CHODL: variants seen among roughly 807,000 people sequenced by gnomAD.
The protein encoded by CHODL is transmembrane protein MT75.
In CHODL, 29 loss-of-function variants were observed where a neutral mutation model predicts 34.5. That is an observed-to-expected ratio of 0.84 (90% CI 0.63 to 1.15). The LOEUF (loss-of-function observed/expected upper bound fraction) is 1.15. Ranked by LOEUF, CHODL falls within the 50% of genes most tolerant of loss-of-function variation. The pLI, the probability that CHODL is intolerant of heterozygous loss-of-function variation, is 0.00. For missense variants in CHODL, 332 were observed against 332.5 expected (o/e 1.00, Z 0.01); for synonymous variants, 125 against 116.1 (o/e 1.08, Z -0.49).
At position 18,195,173 on chromosome 21, in the gene CHODL, G is replaced by A. The variant is rs536923721; in HGVS notation, c.-44-61336G>A. 2.6e-3 allele frequency among the ~76,000 whole-genome samples: 400 copies of A among 152,058 alleles called. 3 individuals are homozygous for A. Among genetic ancestry groups the A allele is most frequent in the African/African-American group, 9.3e-3 (387 of 41,448 alleles). ...AGGTTCACACCATTCTCCTGCCTCA[G>A]CCTCCTGAGTAGCTGGGACTACAGG... On this transcript the variant is annotated intron_variant, in intron 2 of 6. Coordinates refer to the CHODL transcript ENST00000400127.
chr21:18,153,012 C>T (rs1601077644), intron 2 of CHODL, among the ~76,000 whole-genome samples: 1 of 152,180 alleles, frequency 6.6e-6, no homozygotes. Flanking sequence ...TTGAATGCAG[C>T]AGCCTAGACA....
intron 1 of CHODL, among the ~76,000 whole-genome samples, chr21:17,936,583 T>C (rs1482802559): frequency 2.0e-5 from 3 of 152,202 alleles, no homozygotes; most frequent in Non-Finnish European, 4.4e-5. Context: ...TTCATTATGT[T>C]TTGTTTTAAA....
chr21:18,130,399 T>C (rs2072640474), intron 2 of CHODL, among the ~76,000 whole-genome samples: 2 of 152,210 alleles, frequency 1.3e-5, no homozygotes, highest in Non-Finnish European at 1.5e-5. Flanking sequence ...CCTTTGTGCA[T>C]AGTTAAAACA....
chr21:18,263,677 A>G (rs1049390853), intron 5 of CHODL, among the ~76,000 whole-genome samples: 2 of 152,212 alleles, frequency 1.3e-5, no homozygotes, highest in Admixed American at 6.5e-5. Context: ...CATGTTTGCT[A>G]GAATAAACTA....
intron 2 of CHODL, among the ~76,000 whole-genome samples, chr21:18,140,823 C>T (rs1199639311): frequency 6.6e-6 from 1 of 151,984 alleles, no homozygotes; most frequent in Non-Finnish European, 1.5e-5. Flanking sequence ...TTGAAAAACA[C>T]CCATCTGTTT....
chr21:17,923,136 A>G (rs969073628), intron 1 of CHODL, among the ~76,000 whole-genome samples: 1 of 152,080 alleles, frequency 6.6e-6, no homozygotes, highest in Non-Finnish European at 1.5e-5. Flanking sequence ...GTTGGCTTTG[A>G]ATAGAATGGG....
rs1231389939 is a variant in CHODL, at chr21:18,266,325, G to A, written c.*287G>A. ...ATGCAGATAAAGTTGTTATCAACAC[G>A]TCGGGAGTATGTGTGTTAGAAGCAA... On this transcript the variant is annotated 3_prime_UTR_variant, in exon 6 of 6. Transcript: ENST00000299295. 2.9e-5 allele frequency: 24 copies of A among 820,480 alleles called. 1 individual carries two copies. The East Asian group carries it at 5.7e-4, about 19-fold the overall frequency. The allele number at this position is 820,480 out of a possible 1,614,324, so 50.8% of individuals were successfully genotyped here.
chr21:18,209,364 G>T (rs949042450), intron 2 of CHODL, among the ~76,000 whole-genome samples: 1 of 152,098 alleles, frequency 6.6e-6, no homozygotes, highest in East Asian at 1.9e-4. Flanking sequence ...AAGGTTCAAG[G>T]GCTCTTCAGC....
chr21:18,081,881 T>C (rs1397674091), intron 2 of CHODL, among the ~76,000 whole-genome samples: 5 of 152,204 alleles, frequency 3.3e-5, no homozygotes, highest in African/African-American at 1.2e-4. Context: ...TGAATTTTAT[T>C]TACTACTTTT....
chr21:17,994,560 G>A (rs2146392122), intron 1 of CHODL, among the ~76,000 whole-genome samples: 1 of 152,310 alleles, frequency 6.6e-6, no homozygotes, highest in East Asian at 1.9e-4. Flanking sequence ...GCCCACACGT[G>A]TCCTGATGGT....
intron 2 of CHODL, among the ~76,000 whole-genome samples, chr21:18,172,146 C>T (rs1299197202): frequency 6.6e-6 from 1 of 152,246 alleles, no homozygotes; most frequent in East Asian, 1.9e-4. Context: ...CATCCCACAG[C>T]TTTTCCTTTT....
intron 2 of CHODL, among the ~76,000 whole-genome samples, chr21:18,129,510 A>G (rs1829415100): frequency 6.6e-6 from 1 of 152,200 alleles, no homozygotes; most frequent in Non-Finnish European, 1.5e-5. Context: ...CGCAGAGGAA[A>G]TTCTATCAAT....
intron 2 of CHODL, among the ~76,000 whole-genome samples, chr21:18,070,025 T>TTCCCTTCCCTTCCCC (rs1555860424): frequency 3.4e-5 from 1 of 29,090 alleles, no homozygotes; most frequent in Non-Finnish European, 1.0e-4. Context: ...TTCCCTTCCC[T>TTCCCTTCCCTTCCCC]CCCCCCCCCC....
At chr21:18,008,312 T>TTGTG (rs34024669) in intron 1 of CHODL, among the ~76,000 whole-genome samples, 1 of 148,614 alleles carries the variant, frequency 6.7e-6, no homozygotes, top group Admixed American at 6.8e-5. Context: ...ATTTCTTTGT[T>TTGTG]TGTGTGTGTG....
chr21:18,104,748 C>T (rs1273773513), intron 2 of CHODL, among the ~76,000 whole-genome samples: 1 of 152,172 alleles, frequency 6.6e-6, no homozygotes, highest in Admixed American at 6.5e-5. Flanking sequence ...AGCCTATTTA[C>T]CAATTGCTCT....
At chr21:17,987,211 G>C (rs376932651) in intron 1 of CHODL, among the ~76,000 whole-genome samples, 5 of 152,014 alleles carry the variant, frequency 3.3e-5, no homozygotes, top group African/African-American at 7.2e-5. Flanking sequence ...CAGGAGGCAG[G>C]GTTATTATTC....
rs116652762 is a variant in CHODL, at chr21:18,247,196, T to C, written c.79+1894T>C. Among the ~76,000 whole-genome samples the C allele has an allele frequency of 7.0e-3, 1,070 of 152,262 alleles. 17 individuals are homozygous for C. The highest frequency in any genetic ancestry group is 0.024 in the African/African-American group (1,004 of 41,554). ...GCAATAGTTTCTAATGGATCTATTG[T>C]CTACCTGGTCAATGTAAGTTTTGAA... On this transcript the variant is annotated intron_variant, in intron 1 of 5. Transcript: ENST00000299295.
At chr21:18,210,707 C>A (rs1289001689) in intron 2 of CHODL, among the ~76,000 whole-genome samples, 1 of 152,176 alleles carries the variant, frequency 6.6e-6, no homozygotes, top group African/African-American at 2.4e-5. Flanking sequence ...CTTGGTTAGG[C>A]TGCTATCATT....
At chr21:18,016,931 A>G (rs938777340) in intron 1 of CHODL, among the ~76,000 whole-genome samples, 2 of 152,248 alleles carry the variant, frequency 1.3e-5, no homozygotes, top group Non-Finnish European at 2.9e-5. Context: ...TTGGACTTGC[A>G]TGGGGCCTGC....
Sources: allele counts gnomAD v4.1 joint callset (sites outside exome capture counted in the v4.1 genomes callset), GRCh38; gene constraint gnomAD v4.1.1; transcripts MANE v1.5; gene names NCBI Gene and HGNC (gene_info 2026-07-23, HGNC 2026-07-21).